Variants in PCDH9 observed in about 807,000 individuals in gnomAD.
PCDH9 encodes protocadherin-9.
In PCDH9, 24 loss-of-function variants were observed where a neutral mutation model predicts 70.6. The observed-to-expected ratio is 0.34, with a 90% confidence interval of 0.25 to 0.48. The LOEUF (loss-of-function observed/expected upper bound fraction) is 0.48, where lower values mean the gene tolerates loss of function less well. PCDH9 is among the 20% of genes least tolerant of loss of function. The probability of loss-of-function intolerance (pLI) is 0.99; values close to 1 mark genes in which losing one functional copy is unlikely to be tolerated. For missense variants in PCDH9, 1,281 were observed against 1,503.6 expected (o/e 0.85, Z 2.45); for synonymous variants, 562 against 558.5 (o/e 1.01, Z -0.09).
chr13:66,632,368 AAAG>A lies in PCDH9; in HGVS notation c.3139-960_3139-958del, dbSNP rs2077582949. Among the ~76,000 whole-genome samples, 3 of 152,364 alleles carry A rather than the reference AAAG, an allele frequency of 2.0e-5. No homozygotes were observed. The South Asian group carries it at 6.2e-4, about 32-fold the overall frequency. On this transcript the variant is annotated intron_variant, in intron 3 of 4. Transcript: ENST00000377865. The stretch of plus-strand genomic sequence containing the variant: ...ATGCAATTGCTATTGATATACATAA[AAAG>A]AAGACTATATTTTAAAAGAGATTAA...
At chr13:66,689,530 TA>T (rs1464800893) in intron 3 of PCDH9, among the ~76,000 whole-genome samples, 1 of 152,202 alleles carries the variant, frequency 6.6e-6, no homozygotes. Context: ...TGTACTTATT[TA>T]AATAGCTGAC....
At chr13:66,659,002 T>C (rs2077970338) in intron 3 of PCDH9, among the ~76,000 whole-genome samples, 1 of 152,120 alleles carries the variant, frequency 6.6e-6, no homozygotes, top group African/African-American at 2.4e-5. Context: ...GTAAGTACAA[T>C]TGTCAGGATC....
intron 3 of PCDH9, among the ~76,000 whole-genome samples, chr13:66,655,612 A>C (rs1293854527): frequency 6.6e-6 from 1 of 152,078 alleles, no homozygotes; most frequent in Non-Finnish European, 1.5e-5. Flanking sequence ...ATATATATTT[A>C]TAAAAAGTGT....
chr13:67,026,574 C>A (rs1255540098), intron 2 of PCDH9, among the ~76,000 whole-genome samples: 1 of 151,882 alleles, frequency 6.6e-6, no homozygotes, highest in African/African-American at 2.4e-5. Context: ...GGCAATTAGG[C>A]AGGAGAAGGA....
At chr13:67,222,972 C>T (rs1468572585) in intron 2 of PCDH9, 3 of 152,054 alleles carry the variant, frequency 2.0e-5, no homozygotes, top group African/African-American at 4.8e-5. Flanking sequence ...ACTTCTCCAC[C>T]GACTTCTATC....
chr13:67,059,402 T>C (rs1006635010), intron 2 of PCDH9, among the ~76,000 whole-genome samples: 4 of 146,816 alleles, frequency 2.7e-5, no homozygotes, highest in Non-Finnish European at 4.5e-5. Context: ...GTATATATAG[T>C]GTATATATAT....
chr13:66,995,071 G>A (rs569259973), intron 2 of PCDH9, among the ~76,000 whole-genome samples: 1 of 152,298 alleles, frequency 6.6e-6, no homozygotes, highest in African/African-American at 2.4e-5. Flanking sequence ...CCAGACCACG[G>A]AGGGTGCTGA....
At chr13:66,830,143 C>T (rs529915347) in intron 3 of PCDH9, among the ~76,000 whole-genome samples, 1 of 151,972 alleles carries the variant, frequency 6.6e-6, no homozygotes, top group South Asian at 2.1e-4. Flanking sequence ...AGCAGCATTC[C>T]CATAAAATAT....
intron 2 of PCDH9, among the ~76,000 whole-genome samples, chr13:67,175,984 G>C (rs901224964): frequency 6.6e-6 from 1 of 151,126 alleles, no homozygotes; most frequent in African/African-American, 2.4e-5. Context: ...ACAGCAAGAA[G>C]ATGTTTCCAG....
chr13:67,019,188 C>CTTT lies in PCDH9; in HGVS notation c.3037-115586_3037-115584dup, dbSNP rs60154161. Reference sequence around the variant, plus strand: ...TCCTTAACACCTTCAGGCAGTTGCTCTTTTTTTTTTTTTTTTTTTTTCTGA... The same window carrying CTTT: ...TCCTTAACACCTTCAGGCAGTTGCTCTTTTTTTTTTTTTTTTTTTTTTTTCTGA... On this transcript the variant is annotated intron_variant, in intron 2 of 4. Coordinates refer to ENST00000377865, the MANE Select transcript of PCDH9 (RefSeq NM_203487.3). Among the ~76,000 whole-genome samples, 866 of 102,592 alleles carry CTTT rather than the reference C, an allele frequency of 8.4e-3. 32 individuals carry two copies. Among genetic ancestry groups the CTTT allele is most frequent in the East Asian group, 0.015 (50 of 3,230 alleles). The allele number at this position is 102,592 out of a possible 152,430, so 67.3% of individuals were successfully genotyped here. A position where few individuals can be genotyped will look rare whatever the true frequency, so the allele number is the denominator to read the frequency against.
At chr13:66,786,719 G>T (rs1387204443) in intron 3 of PCDH9, among the ~76,000 whole-genome samples, 10 of 152,084 alleles carry the variant, frequency 6.6e-5, no homozygotes, top group African/African-American at 1.9e-4. Flanking sequence ...TATCCCATTT[G>T]GGTAACTGTA....
intron 2 of PCDH9, among the ~76,000 whole-genome samples, chr13:67,121,984 T>C (rs1157800316): frequency 6.6e-6 from 1 of 152,222 alleles, no homozygotes. Flanking sequence ...GTTAAATATA[T>C]TGACTAGTCC....
chr13:66,321,895 C>T (rs1030621945), intron 4 of PCDH9, among the ~76,000 whole-genome samples: 3 of 151,812 alleles, frequency 2.0e-5, no homozygotes, highest in Non-Finnish European at 4.4e-5. Flanking sequence ...CTTGACACCC[C>T]AGGGTCCATT....
intron 4 of PCDH9, among the ~76,000 whole-genome samples, chr13:66,388,633 A>G (rs1956970052): frequency 1.3e-5 from 2 of 152,306 alleles, no homozygotes; most frequent in South Asian, 2.1e-4. Context: ...GATGCGATTT[A>G]ATATGCACAA....
intron 4 of PCDH9, among the ~76,000 whole-genome samples, chr13:66,514,859 T>A (rs531832202): frequency 6.6e-6 from 1 of 152,128 alleles, no homozygotes; most frequent in Non-Finnish European, 1.5e-5. Context: ...TCTACTGTAG[T>A]GTATTTCCGA....
intron 2 of PCDH9, among the ~76,000 whole-genome samples, chr13:67,093,472 A>T (rs1056489134): frequency 9.2e-5 from 14 of 152,108 alleles, no homozygotes; most frequent in African/African-American, 3.4e-4. Flanking sequence ...AATAATAATA[A>T]GTAAATAAAT....
intron 4 of PCDH9, among the ~76,000 whole-genome samples, chr13:66,601,433 A>G (rs1162025265): frequency 1.4e-5 from 2 of 146,136 alleles, no homozygotes; most frequent in African/African-American, 4.9e-5. Flanking sequence ...AGTTAATTGT[A>G]TTAATGGAGA....
chr13:66,853,805 G>A (rs1172523712), intron 3 of PCDH9, among the ~76,000 whole-genome samples: 1 of 151,800 alleles, frequency 6.6e-6, no homozygotes, highest in Admixed American at 6.6e-5. Context: ...GAACTCCTGG[G>A]CTCAAGCAAT....
At chr13:66,403,520 C>A (rs1022001506) in intron 4 of PCDH9, among the ~76,000 whole-genome samples, 1 of 152,038 alleles carries the variant, frequency 6.6e-6, no homozygotes, top group African/African-American at 2.4e-5. Context: ...TGGTAAAACA[C>A]TATCTGACTG....
Sources: gnomAD v4.1 joint callset for allele counts (sites outside exome capture counted in the v4.1 genomes callset) on GRCh38, gnomAD v4.1.1 for gene constraint, MANE v1.5 for transcripts, NCBI Gene and HGNC (gene_info 2026-07-23, HGNC 2026-07-21) for gene names.